Variants in PAMR1 observed in about 807,000 individuals in gnomAD.
PAMR1 encodes the protein inactive serine protease PAMR1.
In PAMR1, 88 loss-of-function variants were observed where a neutral mutation model predicts 81.8. That is an observed-to-expected ratio of 1.08 (90% CI 0.91 to 1.28). The LOEUF (loss-of-function observed/expected upper bound fraction) is 1.28, where lower values mean the gene tolerates loss of function less well. Ranked by LOEUF, PAMR1 falls within the 50% of genes most tolerant of loss-of-function variation. The pLI, the probability that PAMR1 is intolerant of heterozygous loss-of-function variation, is 0.00. For synonymous variants in PAMR1, 336 were observed against 345.3 expected (o/e 0.97, Z 0.30); for missense variants, 935 against 919.7 (o/e 1.02, Z -0.21).
At position 35,482,254 on chromosome 11, in the gene PAMR1, G is replaced by A. The variant is rs576223698; in HGVS notation, c.380-7510C>T. 1.6e-4 allele frequency among the ~76,000 whole-genome samples: 25 copies of A among 152,238 alleles called. No homozygotes were observed. In the Middle Eastern group the frequency reaches 0.01, roughly 62 times the overall value. On this transcript the variant is annotated intron_variant, in intron 3 of 10. Coordinates refer to ENST00000619888, the MANE Select transcript of PAMR1 (RefSeq NM_001001991.3). ...GGTCCAGTTTGAGTTTTCTGCATAT[G>A]GCTAGCCAGTTTTCCCAGCACCATT...
At chr11:35,445,744 T>C (rs776363570) in intron 6 of PAMR1, among the ~76,000 whole-genome samples, 10 of 152,222 alleles carry the variant, frequency 6.6e-5, no homozygotes, top group Non-Finnish European at 1.0e-4. Flanking sequence ...CAGTATTTTA[T>C]TGAGGGTTTT....
chr11:35,478,878 C>T (rs1850330702), intron 3 of PAMR1, among the ~76,000 whole-genome samples: 1 of 151,978 alleles, frequency 6.6e-6, no homozygotes, highest in Non-Finnish European at 1.5e-5. Flanking sequence ...GTAGTGATAT[C>T]TGTCAGTGAA....
chr11:35,470,484 A>C (rs1394630210), intron 5 of PAMR1, 117 bp downstream of exon 5: 2 of 785,576 alleles, frequency 2.5e-6, no homozygotes, highest in East Asian at 5.1e-5. Flanking sequence ...GGCTGTTTCT[A>C]AGAACACAGC....
rs529767268 is a variant in PAMR1, at chr11:35,514,407, C to G, written c.73+11106G>C. Among the ~76,000 whole-genome samples the G allele has an allele frequency of 8.7e-4, 133 of 152,336 alleles. 2 individuals are homozygous for G. In the South Asian group the frequency reaches 0.014, roughly 16 times the overall value. On this transcript the variant is annotated intron_variant, in intron 1 of 10. Coordinates refer to ENST00000619888, the MANE Select transcript of PAMR1 (RefSeq NM_001001991.3). ...TGGCATTGTGGGCTCCACCCACTTG[C>G]TTTTACATTTCCTAGTCCCTTTTCT...
At chr11:35,519,213 T>C (rs1851225851) in intron 1 of PAMR1, among the ~76,000 whole-genome samples, 1 of 152,174 alleles carries the variant, frequency 6.6e-6, no homozygotes, top group Admixed American at 6.5e-5. Context: ...TAGATCCTCA[T>C]TCAAGGTTGA....
chr11:35,509,711 C>T (rs969686347), intron 1 of PAMR1, among the ~76,000 whole-genome samples: 2 of 151,908 alleles, frequency 1.3e-5, no homozygotes, highest in Admixed American at 1.3e-4. Flanking sequence ...AAGAGAAATA[C>T]CAAAGAATCT....
At chr11:35,496,909 T>C (rs1339972179) in intron 1 of PAMR1, among the ~76,000 whole-genome samples, 1 of 152,200 alleles carries the variant, frequency 6.6e-6, no homozygotes, top group Non-Finnish European at 1.5e-5. Flanking sequence ...CTCACACCTG[T>C]AATCCCAACA....
chr11:35,470,936 T>G, intron 4 of PAMR1, 118 bp from the exon 5 acceptor site: 1 of 700,176 alleles, frequency 1.4e-6, no homozygotes, highest in Non-Finnish European at 2.5e-6. Context: ...GTCACTGGCC[T>G]GATCGGATAG....
At chr11:35,466,494 G>A (rs1191856237) in intron 6 of PAMR1, among the ~76,000 whole-genome samples, 3 of 152,072 alleles carry the variant, frequency 2.0e-5, no homozygotes, top group Admixed American at 6.5e-5. Flanking sequence ...TTGGGAGGCC[G>A]AGGCGGGTGG....
upstream of PAMR1, chr11:35,526,064 C>A: frequency 6.3e-6 from 1 of 157,606 alleles, no homozygotes; most frequent in Non-Finnish European, 1.4e-5. Flanking sequence ...TGATTAAAAG[C>A]CTGGCCTGAG....
At chr11:35,507,048 T>A (rs1487387172) in intron 1 of PAMR1, among the ~76,000 whole-genome samples, 81 of 139,642 alleles carry the variant, frequency 5.8e-4, no homozygotes, top group African/African-American at 2.0e-3. Flanking sequence ...ACTTTTTTTT[T>A]TTTTTTTTTT....
At chr11:35,445,250 T>C (rs1273560984) in intron 6 of PAMR1, among the ~76,000 whole-genome samples, 1 of 152,214 alleles carries the variant, frequency 6.6e-6, no homozygotes, top group East Asian at 1.9e-4. Context: ...TCTGAGACGA[T>C]GGGGTTTTCT....
At chr11:35,459,272 G>A (rs1321077043) in intron 6 of PAMR1, among the ~76,000 whole-genome samples, 1 of 152,200 alleles carries the variant, frequency 6.6e-6, no homozygotes, top group East Asian at 1.9e-4. Flanking sequence ...CTGTGCCTAA[G>A]AGACAGGTCA....
At position 35,441,470 on chromosome 11, in the gene PAMR1, T is replaced by C. The variant is rs764102291; in HGVS notation, c.1033+11A>G. 2 of 1,600,054 alleles carry C rather than the reference T, an allele frequency of 1.2e-6. No individual in the cohort carries two copies. Among genetic ancestry groups the C allele is most frequent in the Middle Eastern group, 2.2e-4 (1 of 4,598 alleles). ...CAATGTCCGTAGACTTCAGAAACAA[T>C]TGTAAGTTACCTTTTATGCAGATGG... On this transcript the variant is annotated intron_variant, in intron 7 of 10. Coordinates refer to ENST00000619888, the MANE Select transcript of PAMR1 (RefSeq NM_001001991.3).
At chr11:35,507,142 G>GC (rs1238345992) in intron 1 of PAMR1, among the ~76,000 whole-genome samples, 1 of 146,340 alleles carries the variant, frequency 6.8e-6, no homozygotes, top group African/African-American at 2.5e-5. Flanking sequence ...TGCCTCCCAG[G>GC]TTCAAGCGAT....
chr11:35,443,868 G>C (rs1856235047), intron 6 of PAMR1, among the ~76,000 whole-genome samples: 1 of 152,148 alleles, frequency 6.6e-6, no homozygotes, highest in Admixed American at 6.5e-5. Context: ...AGCATCTGTT[G>C]TTTCTTGACT....
chr11:35,448,339 T>G (rs1000422304), intron 6 of PAMR1, among the ~76,000 whole-genome samples: 1 of 152,004 alleles, frequency 6.6e-6, no homozygotes, highest in Non-Finnish European at 1.5e-5. Flanking sequence ...TCATTCCTTT[T>G]CATTTTTTTT....
chr11:35,498,133 G>A (rs1271875120), intron 1 of PAMR1, among the ~76,000 whole-genome samples: 1 of 152,146 alleles, frequency 6.6e-6, no homozygotes, highest in East Asian at 1.9e-4. Context: ...CTGTAGTTTT[G>A]TAAATCCATG....
chr11:35,515,276 T>C lies in PAMR1; in HGVS notation c.73+10237A>G, dbSNP rs1851141450. Among the ~76,000 whole-genome samples, 4 of 152,218 alleles carry C rather than the reference T, an allele frequency of 2.6e-5. No homozygotes were observed. The South Asian group carries it at 6.2e-4, about 24-fold the overall frequency. ...CTTTGCCAAAAGCTTCCAGAATTACTGTTACTGTCCTCCTATCCAGATTCC... is the reference window on the plus strand; with the variant it reads ...CTTTGCCAAAAGCTTCCAGAATTACCGTTACTGTCCTCCTATCCAGATTCC... On this transcript the variant is annotated intron_variant, in intron 1 of 10. Transcript: ENST00000619888.
Sources: allele counts gnomAD v4.1 joint callset (sites outside exome capture counted in the v4.1 genomes callset), GRCh38; gene constraint gnomAD v4.1.1; transcripts MANE v1.5; gene names NCBI Gene and HGNC (gene_info 2026-07-23, HGNC 2026-07-21).